Variants in CPD observed in about 807,000 individuals in gnomAD.
CPD encodes carboxypeptidase D, also known as metallocarboxypeptidase D.
A neutral mutation model predicts 138.3 loss-of-function variants in CPD; 69 were observed. The ratio of observed to expected loss-of-function variants is 0.50; its 90% CI spans 0.41 to 0.61. The LOEUF (loss-of-function observed/expected upper bound fraction) is 0.61, where lower values mean the gene tolerates loss of function less well. CPD is among the 20% of genes least tolerant of loss of function. The pLI is 0.00. For missense variants in CPD, 1,432 were observed against 1,733.3 expected, an observed-to-expected ratio of 0.83 and a Z score of 3.09; for synonymous variants, 651 against 642.1, an observed-to-expected ratio of 1.01 and a Z score of -0.21.
intron 2 of CPD, among the ~76,000 whole-genome samples, chr17:30,401,247 TCTTCTC>T (rs11278275): frequency 0.43 from 65,176 of 150,058 alleles, 14,960 homozygotes; most frequent in East Asian, 0.82. Flanking sequence ...TGCTGCTGCT[TCTTCTC>T]CTTCTCCTTC....
chr17:30,415,960 G>A (rs1912095489), intron 2 of CPD, among the ~76,000 whole-genome samples: 1 of 152,222 alleles, frequency 6.6e-6, no homozygotes, highest in Non-Finnish European at 1.5e-5. Context: ...AAAGTAGAAA[G>A]GTGGTTGCCA....
At chr17:30,461,483 C>G (rs1237966273) in intron 18 of CPD, among the ~76,000 whole-genome samples, 172 bp downstream of exon 18, 1 of 152,120 alleles carries the variant, frequency 6.6e-6, no homozygotes, top group African/African-American at 2.4e-5. Flanking sequence ...ATTCACATCT[C>G]TGGAATCTGC....
At chr17:30,394,116 CTTTTTTTTT>C (rs35779169) in intron 2 of CPD, among the ~76,000 whole-genome samples, 3 of 40,832 alleles carry the variant, frequency 7.3e-5, no homozygotes, top group African/African-American at 2.1e-4. Context: ...GCACTCCAGC[CTTTTTTTTT>C]TTTTTTTTTT....
At chr17:30,402,430 G>T (rs113646884) in intron 2 of CPD, among the ~76,000 whole-genome samples, 3,098 of 152,226 alleles carry the variant, frequency 0.02, 55 homozygotes, top group Non-Finnish European at 0.026. Flanking sequence ...GCTGGACATG[G>T]TGGCACATGC....
At chr17:30,443,580 G>C (rs1324196418) in intron 10 of CPD, among the ~76,000 whole-genome samples, 1 of 152,136 alleles carries the variant, frequency 6.6e-6, no homozygotes, top group Non-Finnish European at 1.5e-5. Flanking sequence ...AGTTTAAACA[G>C]TGTTATTTAT....
intron 14 of CPD, among the ~76,000 whole-genome samples, chr17:30,452,151 C>G (rs1432639079): frequency 6.6e-6 from 1 of 152,100 alleles, no homozygotes; most frequent in Non-Finnish European, 1.5e-5. Flanking sequence ...TGTATACACG[C>G]ACAACACACA....
At chr17:30,412,427 G>A (rs1012820801) in intron 2 of CPD, among the ~76,000 whole-genome samples, 3 of 152,200 alleles carry the variant, frequency 2.0e-5, no homozygotes, top group Admixed American at 6.5e-5. Context: ...AGTCAGGGAC[G>A]TTTAAGTTTG....
chr17:30,424,557 C>A (rs1912351817), intron 6 of CPD, among the ~76,000 whole-genome samples: 1 of 152,134 alleles, frequency 6.6e-6, no homozygotes, highest in Non-Finnish European at 1.5e-5. Context: ...CTTATTAAAT[C>A]ATTATTTTGG....
intron 2 of CPD, among the ~76,000 whole-genome samples, chr17:30,395,146 G>A (rs946873777): frequency 1.3e-5 from 2 of 151,030 alleles, no homozygotes; most frequent in Admixed American, 6.6e-5. Context: ...ATTTAATTGC[G>A]TGGAGCTAGA....
rs754984161 is a variant in CPD at position 30,379,568 on chromosome 17, C to T, written c.588C>T (p.Gly196=). The T allele has an allele frequency of 2.6e-6, 4 of 1,529,474 alleles. No homozygotes were observed. Among genetic ancestry groups the T allele is most frequent in the Non-Finnish European group, 3.5e-6 (4 of 1,150,138 alleles). 94.7% of individuals were successfully genotyped at this position (1,529,474 alleles called of 1,614,324 possible). Residue 196 remains glycine, a synonymous_variant, in exon 1 of 21, where the codon GGC becomes GGT. Coordinates refer to ENST00000225719, the MANE Select transcript of CPD (RefSeq NM_001304.5). This position sits in a 1 kb window ranked among gnomAD's most constrained non-coding sequence, Gnocchi z 7.0. The part of the protein sequence containing the change: ...GFERAREGDC[G]FGDGGPSGAS... ...AGCGTGCCCGCGAGGGCGACTGTGG[C>T]TTCGGCGACGGCGGCCCGTCCGGGG...
rs769075395 is a variant in CPD, at chr17:30,422,860, A to G, written c.1494A>G (p.Pro498=). ...GTSSSYQPIQ[P]KDFHHHHFPD... is the part of the protein sequence containing the mutation. ...CATCCTCCTACCAGCCAATTCAGCC[A>G]AAGGACTTTCACCACCACCATTTCC... The change falls in exon 5 of 21, where the codon CCA becomes CCG. Residue 498 remains proline (P), a synonymous_variant. Coordinates refer to ENST00000225719, the MANE Select transcript of CPD (RefSeq NM_001304.5). 6 of 1,614,126 alleles carry G rather than the reference A, an allele frequency of 3.7e-6. No individual in the cohort carries two copies. The highest frequency in any genetic ancestry group is 3.3e-5 in the Admixed American group (2 of 60,018).
intron 13 of CPD, among the ~76,000 whole-genome samples, chr17:30,450,999 G>A (rs1913152760): frequency 6.6e-6 from 1 of 152,150 alleles, no homozygotes; most frequent in Non-Finnish European, 1.5e-5. Context: ...TTAGGAAAGG[G>A]AAAAAGAACT....
At position 30,379,061 on chromosome 17, in the gene CPD, C is replaced by T. The variant is rs1054814575; in HGVS notation, c.81C>T (p.Ser27=). ...LLLMCLLLLG[S]SARAAHIKKA... ...TCATGTGCCTGCTGCTGCTGGGGAGCTCGGCCCGGGCGGCTCACATCAAGA... is the reference window on the plus strand; with the variant it reads ...TCATGTGCCTGCTGCTGCTGGGGAGTTCGGCCCGGGCGGCTCACATCAAGA... Residue 27 remains serine, a synonymous_variant, in exon 1 of 21, where the codon AGC becomes AGT. Transcript: ENST00000225719. The surrounding 1 kb of genome is among the most constrained non-coding windows in gnomAD (Gnocchi z 7.0). 2 of 1,561,622 alleles carry T rather than the reference C, an allele frequency of 1.3e-6. No homozygotes were observed. The highest frequency in any genetic ancestry group is 1.2e-5 in the South Asian group (1 of 86,296).
At chr17:30,382,160 T>C (rs1271491416) in intron 1 of CPD, among the ~76,000 whole-genome samples, 2 of 152,134 alleles carry the variant, frequency 1.3e-5, no homozygotes, top group South Asian at 4.1e-4. Flanking sequence ...GATGATTTTT[T>C]TGGGGGCTTA....
At chr17:30,416,622 T>G (rs533585074) in intron 2 of CPD, among the ~76,000 whole-genome samples, 25 of 152,332 alleles carry the variant, frequency 1.6e-4, no homozygotes, top group South Asian at 4.1e-4. Context: ...ACAGTAGCTT[T>G]CTTTCTATTC....
At chr17:30,448,981 AC>A (rs1913098135) in intron 12 of CPD, among the ~76,000 whole-genome samples, 2 of 152,010 alleles carry the variant, frequency 1.3e-5, no homozygotes, top group African/African-American at 4.8e-5. Flanking sequence ...GGTGGTGCAA[AC>A]CTGTAGTACT....
chr17:30,444,167 C>A (rs934532032), intron 11 of CPD, 196 bp downstream of exon 11: 4 of 463,356 alleles, frequency 8.6e-6, no homozygotes, highest in Admixed American at 3.5e-5. Context: ...AGGAAAGATT[C>A]CTGGGGTAAA....
chr17:30,384,537 A>G (rs1252498767), intron 1 of CPD, among the ~76,000 whole-genome samples: 1 of 152,174 alleles, frequency 6.6e-6, no homozygotes, highest in African/African-American at 2.4e-5. Context: ...ATAGTGGCTC[A>G]TGCCTCTAAT....
chr17:30,428,006 T>G lies in CPD; in HGVS notation c.2017+448T>G, dbSNP rs75264661. Among the ~76,000 whole-genome samples the G allele has an allele frequency of 3.3e-5, 5 of 152,262 alleles. No individual in the cohort carries two copies. The East Asian group carries it at 9.6e-4, about 29-fold the overall frequency. ...GTATTTATCTCTCACATTGGGAACT[T>G]GGTAACATATTCTTTGTCATTCATA... is the stretch of plus-strand genomic sequence containing the variant. On this transcript the variant is annotated intron_variant, in intron 7 of 20. Coordinates refer to ENST00000225719, the MANE Select transcript of CPD (RefSeq NM_001304.5).
Sources: gnomAD v4.1 joint callset for allele counts (sites outside exome capture counted in the v4.1 genomes callset) on GRCh38, gnomAD v4.1.1 for gene constraint, Gnocchi (gnomAD v3.1) non-coding constraint, MANE v1.5 for transcripts, NCBI Gene and HGNC (gene_info 2026-07-23, HGNC 2026-07-21) for gene names.